CACNA1B: variants seen among roughly 807,000 people sequenced by gnomAD.
CACNA1B encodes calcium voltage-gated channel subunit alpha1 B.
In CACNA1B, 70 loss-of-function variants were observed where a neutral mutation model predicts 247.2. The ratio of observed to expected loss-of-function variants is 0.28; its 90% CI spans 0.23 to 0.35. The LOEUF (loss-of-function observed/expected upper bound fraction) is 0.35, where lower values mean the gene tolerates loss of function less well. Ranked by LOEUF, CACNA1B falls within the 10% of genes least tolerant of loss-of-function variation. The pLI, the probability that CACNA1B is intolerant of heterozygous loss-of-function variation, is 1.00. For synonymous variants in CACNA1B, 1,231 were observed against 1,294.4 expected, an observed-to-expected ratio of 0.95 and a Z score of 1.05; for missense variants, 2,367 against 3,197.4, an observed-to-expected ratio of 0.74 and a Z score of 6.26.
At chr9:138,093,420 A>AG (rs1233259206) in intron 36 of CACNA1B, among the ~76,000 whole-genome samples, 7 of 150,710 alleles carry the variant, frequency 4.6e-5, no homozygotes, top group Non-Finnish European at 1.0e-4. Context: ...AAAAAAAAAA[A>AG]AAAAAAAAGA....
In CACNA1B at chr9:138,025,108, G is replaced by C. The variant is rs765615224; in HGVS notation, c.3222G>C (p.Pro1074=). The C allele has an allele frequency of 4.3e-6, 7 of 1,613,326 alleles. No homozygotes were observed. The highest frequency in any genetic ancestry group is 3.3e-4 in the Middle Eastern group (2 of 6,082). The change falls in exon 20 of 47, where the codon CCG becomes CCC. Residue 1074 remains proline, a synonymous_variant. Coordinates refer to ENST00000371372, the MANE Select transcript of CACNA1B (RefSeq NM_000718.4). The stretch of plus-strand genomic sequence containing the variant: ...GCATGGGCAGTCAGCCCCCAGACCC[G>C]AACACTATTGTACATATCCCAGTGA... The part of the protein sequence containing the change: ...VTRMGSQPPD[P]NTIVHIPVML...
chr9:138,043,658 G>A (rs1404544595), intron 20 of CACNA1B, 116 bp from the exon 21 acceptor site: 4 of 1,145,966 alleles, frequency 3.5e-6, no homozygotes, highest in African/African-American at 1.6e-5. Context: ...GCCCATCCCT[G>A]GTGGGCCTGT....
intron 3 of CACNA1B, among the ~76,000 whole-genome samples, chr9:137,903,258 C>T (rs574680430): frequency 4.6e-5 from 7 of 152,178 alleles, no homozygotes; most frequent in Non-Finnish European, 8.8e-5. Flanking sequence ...TGGTGGTGCG[C>T]GCCTGTAGTC....
intron 12 of CACNA1B, among the ~76,000 whole-genome samples, chr9:137,979,965 A>G (rs979119996): frequency 2.0e-5 from 3 of 152,224 alleles, no homozygotes; most frequent in South Asian, 2.1e-4. Flanking sequence ...AGCTGGGCAC[A>G]TGCGGGAAAG....
At chr9:137,947,627 C>T (rs1957812246) in intron 6 of CACNA1B, among the ~76,000 whole-genome samples, 1 of 151,796 alleles carries the variant, frequency 6.6e-6, no homozygotes, top group African/African-American at 2.4e-5. Flanking sequence ...TAGGAGAGTT[C>T]TGCTGGTGAC....
intron 39 of CACNA1B, among the ~76,000 whole-genome samples, chr9:138,110,496 G>T (rs1354801816): frequency 6.6e-6 from 1 of 152,166 alleles, no homozygotes; most frequent in Non-Finnish European, 1.5e-5. Flanking sequence ...GAGAGAAGAG[G>T]TGGGAAGATT....
chr9:138,024,488 C>T (rs925495739), intron 19 of CACNA1B, among the ~76,000 whole-genome samples: 2 of 152,150 alleles, frequency 1.3e-5, no homozygotes, highest in East Asian at 1.9e-4. Flanking sequence ...CCCATCCCTG[C>T]CTTTCGGACT....
rs953450984 is a variant in CACNA1B at position 137,877,852 on chromosome 9, G to T, written c.-82G>T. On this transcript the variant is annotated 5_prime_UTR_variant, in exon 1 of 47. Coordinates refer to ENST00000371372, the MANE Select transcript of CACNA1B (RefSeq NM_000718.4). ...CTGCGGTCCCGGCGGCTCCGTGGCT[G>T]CTCCGCTCTGAGCGCCTGGCGCGCC... The T allele has an allele frequency of 9.1e-5, 74 of 810,316 alleles. No homozygotes were observed. In the African/African-American group the frequency reaches 1.4e-3, roughly 15 times the overall value. 50.2% of individuals were successfully genotyped at this position (810,316 alleles called of 1,614,324 possible). A position where few individuals can be genotyped will look rare whatever the true frequency, so the allele number is the denominator to read the frequency against.
At chr9:138,078,757 G>A (rs1235488143) in intron 36 of CACNA1B, among the ~76,000 whole-genome samples, 2 of 152,230 alleles carry the variant, frequency 1.3e-5, no homozygotes, top group African/African-American at 4.8e-5. Context: ...CGAGTGAGGA[G>A]ACGACTGGGG....
At chr9:138,053,786 G>A in intron 25 of CACNA1B, 60 bp from the exon 26 acceptor site, 2 of 1,138,848 alleles carry the variant, frequency 1.8e-6, no homozygotes, top group Non-Finnish European at 2.5e-6. Context: ...TCCCCCTCAT[G>A]GCCCCACTCT....
chr9:138,121,948 T>A lies in CACNA1B; in HGVS notation c.6969T>A (p.Gly2323=), dbSNP rs764589982. The change falls in exon 47 of 47, where the codon GGT becomes GGA. Residue 2323 remains glycine, a synonymous_variant. Coordinates refer to ENST00000371372, the MANE Select transcript of CACNA1B (RefSeq NM_000718.4). The surrounding 1 kb of genome is among the most constrained non-coding windows in gnomAD (Gnocchi z 6.8). ...ACTGCACCCTGGGACTCAGCTCGGG[T>A]GGCCGAGCACGGCACAGCTACCACC... ...GYHCTLGLSS[G]GRARHSYHHP... 3.1e-6 allele frequency: 5 copies of A among 1,605,734 alleles called. No individual in the cohort carries two copies. In the Admixed American group the frequency reaches 8.3e-5, roughly 27 times the overall value.
chr9:137,882,739 C>T lies in CACNA1B; in HGVS notation c.391-5C>T, dbSNP rs1956944129. The T allele has an allele frequency of 6.2e-7, 1 of 1,613,784 alleles. No homozygotes were observed. The highest frequency in any genetic ancestry group is 1.7e-5 in the Admixed American group (1 of 60,004). Reference sequence around the variant, plus strand: ...GGGGTGACCACTGTTCTGCGCTTCTCCTAGGACGACACGGAGCCCTATTTC... The same window carrying T: ...GGGGTGACCACTGTTCTGCGCTTCTTCTAGGACGACACGGAGCCCTATTTC... On this transcript the variant is annotated splice_polypyrimidine_tract_variant and splice_region_variant and intron_variant, in intron 2 of 46. Transcript: ENST00000371372. This position sits in a 1 kb window ranked among gnomAD's most constrained non-coding sequence, Gnocchi z 4.0.
At chr9:137,906,716 C>T (rs186872959) in intron 3 of CACNA1B, among the ~76,000 whole-genome samples, 5 of 152,250 alleles carry the variant, frequency 3.3e-5, no homozygotes, top group South Asian at 2.1e-4. Context: ...TCTTCATCCC[C>T]ATGTGATGCA....
intron 12 of CACNA1B, among the ~76,000 whole-genome samples, chr9:137,983,570 T>A (rs576991523): frequency 2.6e-5 from 4 of 152,222 alleles, no homozygotes; most frequent in Non-Finnish European, 4.4e-5. Context: ...CTTGCCATAA[T>A]CTGTTCTTGG....
chr9:138,113,491 G>A (rs1961735590), intron 40 of CACNA1B, among the ~76,000 whole-genome samples: 2 of 151,082 alleles, frequency 1.3e-5, no homozygotes, highest in Middle Eastern at 3.5e-3. Context: ...ACTCCATCTT[G>A]TGGGAGACGT....
chr9:137,957,760 C>A lies in CACNA1B; in HGVS notation c.1333+73C>A. 1 of 1,093,232 alleles carries A rather than the reference C, an allele frequency of 9.1e-7. No homozygotes were observed. Among genetic ancestry groups the A allele is most frequent in the Non-Finnish European group, 1.3e-6 (1 of 768,664 alleles). 67.7% of individuals were successfully genotyped at this position (1,093,232 alleles called of 1,614,324 possible). ...TGGAGTGCATGCTCCGCTTCCCCTGCTACCCAGCCACTGTTGGACGCCCCT... is the reference window on the plus strand; with the variant it reads ...TGGAGTGCATGCTCCGCTTCCCCTGATACCCAGCCACTGTTGGACGCCCCT... On this transcript the variant is annotated intron_variant, in intron 10 of 46. Coordinates refer to ENST00000371372, the MANE Select transcript of CACNA1B (RefSeq NM_000718.4). The surrounding 1 kb of genome is among the most constrained non-coding windows in gnomAD (Gnocchi z 4.7).
chr9:138,036,209 G>A (rs1425879976), intron 20 of CACNA1B, among the ~76,000 whole-genome samples: 3 of 151,850 alleles, frequency 2.0e-5, no homozygotes, highest in African/African-American at 7.2e-5. Context: ...GCGCAATCTT[G>A]GCTCACTGCA....
chr9:138,049,103 C>A, intron 23 of CACNA1B, 106 bp from the exon 24 acceptor site: 1 of 776,772 alleles, frequency 1.3e-6, no homozygotes, highest in Non-Finnish European at 2.3e-6. Context: ...AGTCTGCCTG[C>A]CTCAGCCTCC....
At chr9:137,915,822 TAA>T (rs557981522) in intron 5 of CACNA1B, among the ~76,000 whole-genome samples, 13 of 130,716 alleles carry the variant, frequency 9.9e-5, no homozygotes, top group Admixed American at 1.5e-4. Context: ...AAGAAAAAGT[TAA>T]AAAAAAAAAA....
Sources: allele counts gnomAD v4.1 joint callset (sites outside exome capture counted in the v4.1 genomes callset), GRCh38; gene constraint gnomAD v4.1.1; non-coding constraint Gnocchi (gnomAD v3.1); transcripts MANE v1.5; gene names NCBI Gene and HGNC (gene_info 2026-07-23, HGNC 2026-07-21).